Variants in GRID1 observed in about 807,000 individuals in gnomAD.
The protein encoded by GRID1 is glutamate receptor ionotropic, delta-1.
Under a neutral mutation model 98.0 loss-of-function variants are expected in GRID1, and 28 were observed. The observed-to-expected ratio is 0.29, with a 90% confidence interval of 0.21 to 0.39. GRID1 has a LOEUF of 0.39. Ranked by LOEUF, GRID1 falls within the 10% of genes least tolerant of loss-of-function variation. The probability of loss-of-function intolerance (pLI) is 1.00; values close to 1 mark genes in which losing one functional copy is unlikely to be tolerated. For missense variants in GRID1, 1,111 were observed against 1,340.5 expected (o/e 0.83, Z 2.67); for synonymous variants, 553 against 538.5 (o/e 1.03, Z -0.37).
intron 5 of GRID1, among the ~76,000 whole-genome samples, chr10:85,892,562 A>G (rs957790528): frequency 6.6e-6 from 1 of 151,838 alleles, no homozygotes; most frequent in Admixed American, 6.6e-5. Flanking sequence ...AAAAAAGAAA[A>G]CTATGTTTTT....
intron 2 of GRID1, among the ~76,000 whole-genome samples, chr10:86,207,585 T>G (rs67689093): frequency 0.063 from 9,458 of 151,164 alleles, 413 homozygotes; most frequent in Non-Finnish European, 0.1. Flanking sequence ...CTCTTACTAA[T>G]GGTTTATGCG....
intron 12 of GRID1, among the ~76,000 whole-genome samples, chr10:85,692,174 G>A (rs1008602232): frequency 6.6e-6 from 1 of 152,000 alleles, no homozygotes; most frequent in African/African-American, 2.4e-5. Flanking sequence ...AGTCTCTCAA[G>A]CTCCACTGTC....
At chr10:86,002,763 T>G (rs1382939192) in intron 4 of GRID1, among the ~76,000 whole-genome samples, 1 of 152,246 alleles carries the variant, frequency 6.6e-6, no homozygotes, top group African/African-American at 2.4e-5. Context: ...AAAGTGGCAT[T>G]TCAAAACCGT....
intron 12 of GRID1, among the ~76,000 whole-genome samples, chr10:85,712,387 T>C (rs1221528796): frequency 6.6e-6 from 1 of 151,806 alleles, no homozygotes; most frequent in Non-Finnish European, 1.5e-5. Context: ...TGTGTACATA[T>C]ACACATATGC....
At chr10:86,310,928 C>A (rs1433117656) in intron 2 of GRID1, among the ~76,000 whole-genome samples, 1 of 152,144 alleles carries the variant, frequency 6.6e-6, no homozygotes, top group Non-Finnish European at 1.5e-5. Context: ...GCAGAGGGTA[C>A]AGGAAGGTGA....
intron 13 of GRID1, among the ~76,000 whole-genome samples, chr10:85,628,713 C>T (rs1038641547): frequency 6.6e-6 from 1 of 152,148 alleles, no homozygotes; most frequent in South Asian, 2.1e-4. Context: ...CAAAAGGAGG[C>T]AAACCAGGAC....
At chr10:85,825,913 C>A (rs1006889898) in intron 8 of GRID1, among the ~76,000 whole-genome samples, 1 of 151,482 alleles carries the variant, frequency 6.6e-6, no homozygotes, top group Non-Finnish European at 1.5e-5. Context: ...GAATAATATT[C>A]TTCAATAAAT....
chr10:85,856,794 G>A (rs147674899), intron 6 of GRID1, among the ~76,000 whole-genome samples: 2 of 152,220 alleles, frequency 1.3e-5, no homozygotes, highest in South Asian at 2.1e-4. Context: ...TACTGGATTT[G>A]CTCTATTGGC....
At chr10:85,770,675 A>C (rs1346821871) in intron 8 of GRID1, among the ~76,000 whole-genome samples, 1 of 152,248 alleles carries the variant, frequency 6.6e-6, no homozygotes, top group Non-Finnish European at 1.5e-5. Flanking sequence ...CTACGTGAAG[A>C]ATGCAGAAGC....
At chr10:85,831,202 A>G (rs1311140945) in intron 8 of GRID1, among the ~76,000 whole-genome samples, 1 of 152,114 alleles carries the variant, frequency 6.6e-6, no homozygotes. Flanking sequence ...GCAAACTAAC[A>G]CAAGAACAGA....
At chr10:86,105,858 C>T (rs1364888580) in intron 4 of GRID1, among the ~76,000 whole-genome samples, 1 of 152,144 alleles carries the variant, frequency 6.6e-6, no homozygotes, top group Non-Finnish European at 1.5e-5. Flanking sequence ...CCACAGGTCA[C>T]CCAGGAATGC....
At chr10:86,359,103 T>C (rs1458159836) in intron 2 of GRID1, among the ~76,000 whole-genome samples, 1 of 152,216 alleles carries the variant, frequency 6.6e-6, no homozygotes, top group Non-Finnish European at 1.5e-5. Context: ...TAAATGTGTG[T>C]TGATCTAACC....
intron 3 of GRID1, among the ~76,000 whole-genome samples, chr10:86,157,495 C>T (rs1431240975): frequency 2.6e-5 from 4 of 152,158 alleles, no homozygotes; most frequent in African/African-American, 4.8e-5. Context: ...TGCATGCTGG[C>T]GAGGCCCCCA....
intron 2 of GRID1, among the ~76,000 whole-genome samples, chr10:86,213,007 G>A (rs1846128175): frequency 6.6e-6 from 1 of 152,076 alleles, no homozygotes; most frequent in Admixed American, 6.5e-5. Flanking sequence ...TCCCTCCAGA[G>A]CACAGGACAC....
At chr10:85,684,004 T>C (rs1245986787) in intron 12 of GRID1, among the ~76,000 whole-genome samples, 1 of 152,172 alleles carries the variant, frequency 6.6e-6, no homozygotes, top group African/African-American at 2.4e-5. Flanking sequence ...AAATTATGTA[T>C]AAAAATTCCA....
chr10:86,073,741 T>G (rs1403367992), intron 4 of GRID1, among the ~76,000 whole-genome samples: 1 of 152,130 alleles, frequency 6.6e-6, no homozygotes, highest in Non-Finnish European at 1.5e-5. Context: ...TGAAACATCA[T>G]CACTTGGCTG....
intron 4 of GRID1, among the ~76,000 whole-genome samples, chr10:85,930,342 T>C (rs932746502): frequency 1.7e-4 from 25 of 150,826 alleles, no homozygotes; most frequent in Admixed American, 6.6e-4. Context: ...CTTGTGGTTA[T>C]TTATAACTAC....
chr10:85,647,294 G>A lies in GRID1; in HGVS notation c.2101C>T (p.Gln701Ter). The A allele has an allele frequency of 6.2e-7, 1 of 1,614,198 alleles. No homozygotes were observed. Among genetic ancestry groups the A allele is most frequent in the Non-Finnish European group, 8.5e-7 (1 of 1,179,982 alleles). ...CAGAGTTCAGCAAACGTGCTGTCCT[G>A]CTCCAGGGGGTTGGTGCCCTTGGCT... ...FRAKGTNPLE[Q>*]DSTFAELWRT... The change falls in exon 13 of 16, where the codon CAG (glutamine) becomes TAG (stop). Residue 701 changes from glutamine (Q) to a stop codon, truncating the protein, a stop_gained. Transcript: ENST00000327946. LOFTEE classifies it high-confidence loss of function.
chr10:86,205,034 A>G (rs1846006356), intron 3 of GRID1, among the ~76,000 whole-genome samples: 3 of 152,216 alleles, frequency 2.0e-5, no homozygotes, highest in Admixed American at 2.0e-4. Flanking sequence ...GACTGAGTCC[A>G]GTTCAGGTCC....
Sources: gnomAD v4.1 joint callset for allele counts (sites outside exome capture counted in the v4.1 genomes callset) on GRCh38, gnomAD v4.1.1 for gene constraint, MANE v1.5 for transcripts, NCBI Gene and HGNC (gene_info 2026-07-23, HGNC 2026-07-21) for gene names.